FGF14: variants seen among roughly 807,000 people sequenced by gnomAD.
FGF14 encodes fibroblast growth factor homologous factor 4.
A neutral mutation model predicts 25.5 loss-of-function variants in FGF14; 5 were observed. The ratio of observed to expected loss-of-function variants is 0.20; its 90% confidence interval spans 0.10 to 0.41. The LOEUF is 0.41. FGF14 is among the 10% of genes least tolerant of loss of function. The pLI is 1.00. For missense variants in FGF14, 222 were observed against 320.1 expected, an observed-to-expected ratio of 0.69 and a Z score of 2.34; for synonymous variants, 138 against 118.3, an observed-to-expected ratio of 1.17 and a Z score of -1.08.
intron 1 of FGF14, among the ~76,000 whole-genome samples, chr13:102,056,133 C>T (rs1029318873): frequency 2.6e-5 from 4 of 152,222 alleles, no homozygotes; most frequent in African/African-American, 9.7e-5. Flanking sequence ...TGAAACACAG[C>T]TATGCTCATT....
chr13:101,885,355 G>A (rs961814741), intron 1 of FGF14, among the ~76,000 whole-genome samples: 3 of 152,142 alleles, frequency 2.0e-5, no homozygotes, highest in Non-Finnish European at 4.4e-5. Context: ...GGTGGAGGGT[G>A]GGAGGGAGGA....
At chr13:102,250,221 G>C (rs974162470) in intron 1 of FGF14, among the ~76,000 whole-genome samples, 2 of 152,178 alleles carry the variant, frequency 1.3e-5, no homozygotes, top group Non-Finnish European at 1.5e-5. Context: ...CTATCAAGGA[G>C]TTAAACGCAG....
chr13:102,310,685 C>G (rs11620311), intron 1 of FGF14, among the ~76,000 whole-genome samples: 417 of 6,738 alleles, frequency 0.062, 2 homozygotes, highest in African/African-American at 0.11. Context: ...CTCTCTCTCT[C>G]TGTGTGTGTG....
intron 1 of FGF14, among the ~76,000 whole-genome samples, chr13:102,280,147 A>G (rs945620): frequency 0.79 from 119,827 of 152,204 alleles, 47,985 homozygotes; most frequent in African/African-American, 0.94. Context: ...AAATAACAGT[A>G]CCTTCTCAGA....
chr13:101,903,937 C>T (rs552547423), intron 1 of FGF14, among the ~76,000 whole-genome samples: 4 of 152,100 alleles, frequency 2.6e-5, no homozygotes, highest in Non-Finnish European at 5.9e-5. Flanking sequence ...GTCATGGATA[C>T]CTTAAGTATC....
intron 1 of FGF14, among the ~76,000 whole-genome samples, chr13:102,187,842 C>A (rs2048937525): frequency 6.6e-6 from 1 of 152,044 alleles, no homozygotes; most frequent in Non-Finnish European, 1.5e-5. Context: ...ACAAATAGAC[C>A]CCCAGGTCTG....
chr13:101,865,107 T>G (rs2044631985), intron 3 of FGF14, among the ~76,000 whole-genome samples: 1 of 152,182 alleles, frequency 6.6e-6, no homozygotes, highest in African/African-American at 2.4e-5. Flanking sequence ...TCCATCTTTC[T>G]TATGCCAGAA....
At chr13:101,950,556 C>A (rs775620537) in intron 1 of FGF14, among the ~76,000 whole-genome samples, 2 of 152,164 alleles carry the variant, frequency 1.3e-5, no homozygotes, top group Non-Finnish European at 2.9e-5. Context: ...TAACTGTCAA[C>A]TCAGTAATGT....
intron 1 of FGF14, among the ~76,000 whole-genome samples, chr13:102,228,070 T>C (rs2050909310): frequency 6.6e-6 from 1 of 152,224 alleles, no homozygotes. Flanking sequence ...AACATTTTCT[T>C]TCATGTTTGC....
intron 1 of FGF14, among the ~76,000 whole-genome samples, chr13:102,298,188 CA>C (rs2054831173): frequency 6.6e-6 from 1 of 152,090 alleles, no homozygotes; most frequent in Non-Finnish European, 1.5e-5. Context: ...TCATGAAAAT[CA>C]AGAAGGATGC....
chr13:102,304,925 T>C (rs914312773), intron 1 of FGF14, among the ~76,000 whole-genome samples: 2 of 152,158 alleles, frequency 1.3e-5, no homozygotes, highest in Admixed American at 1.3e-4. Flanking sequence ...CCTGAATTCC[T>C]GACCCACAGA....
intron 1 of FGF14, among the ~76,000 whole-genome samples, chr13:102,179,449 G>A (rs759860748): frequency 6.6e-5 from 10 of 152,062 alleles, no homozygotes; most frequent in Non-Finnish European, 1.5e-4. Flanking sequence ...CCCTAGGCCT[G>A]CACATTCCTT....
chr13:101,785,953 G>A (rs1026444567), intron 3 of FGF14, among the ~76,000 whole-genome samples: 1 of 152,154 alleles, frequency 6.6e-6, no homozygotes, highest in Non-Finnish European at 1.5e-5. Context: ...GAACTGAACT[G>A]GACATAAGAT....
At chr13:102,154,560 A>T (rs890840697) in intron 1 of FGF14, among the ~76,000 whole-genome samples, 1 of 152,178 alleles carries the variant, frequency 6.6e-6, no homozygotes, top group African/African-American at 2.4e-5. Context: ...CACTGCAAAA[A>T]CATGCCAAAT....
intron 1 of FGF14, among the ~76,000 whole-genome samples, chr13:102,157,370 T>G (rs2047393982): frequency 6.6e-6 from 1 of 152,198 alleles, no homozygotes; most frequent in Non-Finnish European, 1.5e-5. Flanking sequence ...TACAACTATC[T>G]GATCTTTGAC....
intron 1 of FGF14, among the ~76,000 whole-genome samples, chr13:102,201,019 G>A (rs1336962012): frequency 2.1e-5 from 3 of 143,518 alleles, no homozygotes; most frequent in Non-Finnish European, 4.5e-5. Flanking sequence ...GGAGAATGGC[G>A]TGAACCCGGG....
chr13:102,357,204 A>C (rs1392317602), intron 1 of FGF14, among the ~76,000 whole-genome samples: 1 of 151,412 alleles, frequency 6.6e-6, no homozygotes, highest in Non-Finnish European at 1.5e-5. Flanking sequence ...CAGGTTGCAC[A>C]CCTCGAGGGT....
At chr13:101,903,919 G>A (rs1202098899) in intron 1 of FGF14, among the ~76,000 whole-genome samples, 1 of 152,184 alleles carries the variant, frequency 6.6e-6, no homozygotes, top group African/African-American at 2.4e-5. Context: ...AGATTGCATA[G>A]TGTTGAAGTC....
chr13:101,934,739 C>T (rs993792510), intron 1 of FGF14, among the ~76,000 whole-genome samples: 1 of 152,190 alleles, frequency 6.6e-6, no homozygotes, highest in African/African-American at 2.4e-5. Context: ...CCTCACTCTA[C>T]ACTGCCATTT....
Sources: gnomAD v4.1 joint callset for allele counts (sites outside exome capture counted in the v4.1 genomes callset) on GRCh38, gnomAD v4.1.1 for gene constraint, MANE v1.5 for transcripts, NCBI Gene and HGNC (gene_info 2026-07-23, HGNC 2026-07-21) for gene names.